TET2: variants seen among roughly 807,000 people sequenced by gnomAD.
TET2 encodes the protein tet methylcytosine dioxygenase 2, also known as methylcytosine dioxygenase TET2.
TET2 carries 299 observed loss-of-function variants against 142.9 expected under a neutral mutation model. That is an observed-to-expected ratio of 2.09 (90% CI 1.90 to 2.30). The LOEUF is 2.30. Among genes scored for constraint, TET2 ranks in the 30% most tolerant of loss-of-function variants. TET2 has a pLI of 0.00. For synonymous variants in TET2, 819 were observed against 849.0 expected, an observed-to-expected ratio of 0.96 and a Z score of 0.61; for missense variants, 2,418 against 2,378.0, an observed-to-expected ratio of 1.02 and a Z score of -0.35.
chr4:105,241,887 G>C, intron 4 of TET2: 2 of 1,245,286 alleles, frequency 1.6e-6, no homozygotes, highest in Non-Finnish European at 2.0e-6. Context: ...CATAAAAAGA[G>C]AGCAAGTGTG....
At position 105,236,767 on chromosome 4, in the gene TET2, CCCAGAAGGACACTCAAAAGCAT is replaced by C; in HGVS notation, c.2826_2847del (p.Gln943LeufsTer3). 6.2e-7 allele frequency: 1 copy of C among 1,614,064 alleles called. No individual in the cohort carries two copies. The highest frequency in any genetic ancestry group is 8.5e-7 in the Non-Finnish European group (1 of 1,180,018). The stretch of plus-strand genomic sequence containing the variant: ...GGAGGAAGTCACACTCAGACCCCTC[CCCAGAAGGACACTCAAAAGCAT>C]GCTGCTCTAAGGTGGCATCTCTTAC... On this transcript the variant is annotated frameshift_variant, in exon 3 of 11. Transcript: ENST00000380013. LOFTEE classifies it high-confidence loss of function.
chr4:105,272,483 G>A, intron 9 of TET2, 81 bp from the exon 10 acceptor site: 1 of 947,880 alleles, frequency 1.1e-6, no homozygotes, highest in South Asian at 1.8e-5. Flanking sequence ...TCTGAATACT[G>A]AGAGGAGAAA....
chr4:105,241,425 G>C lies in TET2; in HGVS notation c.3496G>C (p.Glu1166Gln), dbSNP rs2110249286. 1 of 1,549,564 alleles carries C rather than the reference G, an allele frequency of 6.5e-7. No homozygotes were observed. The highest frequency in any genetic ancestry group is 8.7e-7 in the Non-Finnish European group (1 of 1,146,456). The stretch of plus-strand genomic sequence containing the variant: ...GGCAGCTATTAGAGAAATCATGGAA[G>C]AAAGGTAATTAACGCAAAGGCACAG... ...NVAAIREIMEERFGQKGKAIR... is the reference protein window; with the variant it reads ...NVAAIREIMEQRFGQKGKAIR... Residue 1166 changes from glutamate (E) to glutamine (Q), a missense_variant, in exon 4 of 11, where the codon GAA becomes CAA. Coordinates refer to ENST00000380013, the MANE Select transcript of TET2 (RefSeq NM_001127208.3).
chr4:105,169,963 A>G (rs1268408465), intron 1 of TET2, among the ~76,000 whole-genome samples: 1 of 152,094 alleles, frequency 6.6e-6, no homozygotes, highest in Non-Finnish European at 1.5e-5. Context: ...TACCAGTACC[A>G]TGCTGTTTTG....
At chr4:105,182,772 T>C (rs986885964) in intron 1 of TET2, among the ~76,000 whole-genome samples, 6 of 152,194 alleles carry the variant, frequency 3.9e-5, no homozygotes, top group Admixed American at 2.0e-4. Flanking sequence ...TACTATAGTG[T>C]AAAATTTTAT....
rs777412322 is a variant in TET2 at position 105,236,813 on chromosome 4, A to C, written c.2871A>C (p.Leu957Phe). 1 of 1,614,036 alleles carries C rather than the reference A, an allele frequency of 6.2e-7. No homozygotes were observed. The highest frequency in any genetic ancestry group is 8.5e-7 in the Non-Finnish European group (1 of 1,180,014). The stretch of plus-strand genomic sequence containing the variant: ...ATGCTGCTCTAAGGTGGCATCTCTT[A>C]CAGAAGCAAGAACAGCAGCAAACAC... Reference protein sequence around the residue: ...QKHAALRWHLLQKQEQQQTQQ... With the variant: ...QKHAALRWHLFQKQEQQQTQQ... The change falls in exon 3 of 11, where the codon TTA (leucine) becomes TTC (phenylalanine). Residue 957 changes from leucine to phenylalanine, a missense_variant. Physicochemically the swap from Leu to Phe is conservative, Grantham distance 22. Coordinates refer to ENST00000380013, the MANE Select transcript of TET2 (RefSeq NM_001127208.3).
chr4:105,196,925 CT>C lies in TET2; in HGVS notation c.-47+6421del, dbSNP rs752854101. On this transcript the variant is annotated intron_variant, in intron 2 of 10. Transcript: ENST00000380013. ...TCATATGTTTTATTTCCCTCTCCCC[CT>C]ACTGGCAACTTCTTCCTACTTCTTA... 3.7e-4 allele frequency among the ~76,000 whole-genome samples: 56 copies of C among 152,164 alleles called. 1 individual carries two copies. The highest frequency in any genetic ancestry group is 1.2e-4 in the Non-Finnish European group (8 of 68,030).
At chr4:105,186,473 CTT>C (rs1224419124) in intron 1 of TET2, among the ~76,000 whole-genome samples, 4 of 115,078 alleles carry the variant, frequency 3.5e-5, no homozygotes, top group Non-Finnish European at 3.6e-5. Flanking sequence ...TTTGCATTTT[CTT>C]TTTTTTTTTT....
chr4:105,240,095 A>G (rs1216656863), intron 3 of TET2: 1 of 234,182 alleles, frequency 4.3e-6, no homozygotes, highest in Non-Finnish European at 9.1e-6. Flanking sequence ...AGTAACATCA[A>G]AGATCACTGA....
In TET2 at chr4:105,235,075, G is replaced by C. The variant is rs2110224842; in HGVS notation, c.1133G>C (p.Gly378Ala). The C allele has an allele frequency of 6.2e-7, 1 of 1,614,042 alleles. No homozygotes were observed. The highest frequency in any genetic ancestry group is 1.1e-5 in the South Asian group (1 of 91,066). ...ERYLKQNEMNGAYFKQSSVFT... is the reference protein window; with the variant it reads ...ERYLKQNEMNAAYFKQSSVFT... ...TATTTAAAACAAAATGAAATGAATG[G>C]TGCTTACTTCAAGCAAAGCTCAGTG... The change falls in exon 3 of 11, where the codon GGT becomes GCT. Residue 378 changes from glycine to alanine, a missense_variant. Transcript: ENST00000380013.
intron 2 of TET2, chr4:105,202,410 A>G (rs1448975843): frequency 6.6e-6 from 1 of 152,206 alleles, no homozygotes; most frequent in African/African-American, 2.4e-5. Flanking sequence ...GCGAATTTCT[A>G]GAGGCTGGGT....
intron 6 of TET2, among the ~76,000 whole-genome samples, chr4:105,249,383 G>A (rs946833677): frequency 1.3e-5 from 2 of 152,046 alleles, no homozygotes; most frequent in East Asian, 1.9e-4. Context: ...ACTTTTTGGC[G>A]ATTATAAATT....
chr4:105,188,590 C>T (rs1477298802), intron 1 of TET2, among the ~76,000 whole-genome samples: 1 of 151,916 alleles, frequency 6.6e-6, no homozygotes, highest in Non-Finnish European at 1.5e-5. Flanking sequence ...ATTTATGAGG[C>T]TAAAAGTGGA....
intron 2 of TET2, among the ~76,000 whole-genome samples, chr4:105,212,984 T>C (rs1037851915): frequency 3.9e-5 from 6 of 152,156 alleles, no homozygotes; most frequent in Admixed American, 1.3e-4. Flanking sequence ...AGTGAGAATC[T>C]GTCTCAGAGG....
In TET2 at chr4:105,235,543, GAAAC is replaced by G; in HGVS notation, c.1605_1608del (p.Asn535LysfsTer6). The G allele has an allele frequency of 1.2e-6, 2 of 1,614,128 alleles. No individual in the cohort carries two copies. Among genetic ancestry groups the G allele is most frequent in the Non-Finnish European group, 1.7e-6 (2 of 1,180,012 alleles). ...CAGGACAACTGCCAGCAGTTGATGA[GAAAC>G]AAAGAGCAAGAGATTCTGAAGGGTC... On this transcript the variant is annotated frameshift_variant, in exon 3 of 11. Transcript: ENST00000380013. LOFTEE classifies it high-confidence loss of function.
At chr4:105,163,830 AGAGAGAGAGAGAGAGAGAGAGAGAGT>A (rs1466046186) in intron 1 of TET2, among the ~76,000 whole-genome samples, 33 of 145,606 alleles carry the variant, frequency 2.3e-4, no homozygotes, top group African/African-American at 7.0e-4. Context: ...AGAGAGAGAG[AGAGAGAGAGAGAGAGAGAGAGAGAGT>A]GTGTGTGTGT....
intron 1 of TET2, among the ~76,000 whole-genome samples, chr4:105,185,349 G>T (rs1023466767): frequency 5.3e-5 from 8 of 152,194 alleles, no homozygotes; most frequent in Non-Finnish European, 1.0e-4. Flanking sequence ...CACAAAGGGT[G>T]TGCTAAGGTA....
At chr4:105,193,941 A>G (rs900277811) in intron 2 of TET2, among the ~76,000 whole-genome samples, 1 of 152,172 alleles carries the variant, frequency 6.6e-6, no homozygotes, top group African/African-American at 2.4e-5. Context: ...AATAAGTTGG[A>G]GAGACAGAGA....
chr4:105,239,831 T>C (rs528050285), intron 3 of TET2: 2 of 230,664 alleles, frequency 8.7e-6, no homozygotes, highest in Admixed American at 5.7e-5. Flanking sequence ...GCTCGTCATA[T>C]CTAGCTTTTG....
Sources: gnomAD v4.1 joint callset for allele counts (sites outside exome capture counted in the v4.1 genomes callset) on GRCh38, gnomAD v4.1.1 for gene constraint, MANE v1.5 for transcripts, NCBI Gene and HGNC (gene_info 2026-07-23, HGNC 2026-07-21) for gene names.